METTL25: variants seen among roughly 807,000 people sequenced by gnomAD.
METTL25 encodes the protein probable methyltransferase-like protein 25.
Under a neutral mutation model 71.6 loss-of-function variants are expected in METTL25, and 64 were observed. That is an observed-to-expected ratio of 0.89 (90% confidence interval 0.73 to 1.10). The LOEUF is 1.10. Among genes scored for constraint, METTL25 ranks in the 50% least tolerant of loss-of-function variants. The pLI is 0.00. For synonymous variants in METTL25, 287 were observed against 250.3 expected (o/e 1.15, Z -1.38); for missense variants, 807 against 707.0 (o/e 1.14, Z -1.60).
At chr12:82,425,677 CA>C (rs1888954784) in intron 5 of METTL25, among the ~76,000 whole-genome samples, 1 of 151,792 alleles carries the variant, frequency 6.6e-6, no homozygotes, top group Non-Finnish European at 1.5e-5. Flanking sequence ...GCAAAAAGAC[CA>C]AAACAAAGCG....
Position 82,399,962 on chromosome 12 carries a change from A to AG in METTL25, c.1131+570dup, listed in dbSNP as rs397972084. Among the ~76,000 whole-genome samples the AG allele has an allele frequency of 4.7e-5, 7 of 150,000 alleles. No homozygotes were observed. The South Asian group carries it at 6.3e-4, about 14-fold the overall frequency. On this transcript the variant is annotated intron_variant, in intron 4 of 11. Transcript: ENST00000248306. ...ACTCATTGTCTCAAAAAAAAAAAAA[A>AG]GGTAGCTTTTGGAGTTGTATTACCC...
chr12:82,433,103 T>A (rs1444787978), intron 6 of METTL25, among the ~76,000 whole-genome samples: 1 of 151,652 alleles, frequency 6.6e-6, no homozygotes, highest in African/African-American at 2.4e-5. Context: ...CAAAACACTT[T>A]GTAACCACCT....
intron 5 of METTL25, among the ~76,000 whole-genome samples, chr12:82,411,603 A>G (rs183559516): frequency 1.4e-3 from 213 of 152,216 alleles, no homozygotes; most frequent in African/African-American, 5.0e-3. Context: ...AGAAGAAACA[A>G]AGGTATTTGA....
intron 8 of METTL25, among the ~76,000 whole-genome samples, chr12:82,441,962 G>C (rs1890380833): frequency 6.6e-6 from 1 of 151,942 alleles, no homozygotes; most frequent in East Asian, 1.9e-4. Context: ...AGATAAGGCT[G>C]AGTAGGAAAC....
At chr12:82,401,883 AT>A in intron 4 of METTL25, among the ~76,000 whole-genome samples, 1 of 152,166 alleles carries the variant, frequency 6.6e-6, no homozygotes, top group Admixed American at 6.5e-5. Context: ...ACTATTAGAA[AT>A]TTTTTAGTTC....
chr12:82,361,425 GC>G (rs1881869702), intron 1 of METTL25, among the ~76,000 whole-genome samples: 1 of 152,234 alleles, frequency 6.6e-6, no homozygotes, highest in African/African-American at 2.4e-5. Flanking sequence ...GCACTCCTCA[GC>G]CCTTGGGCGG....
chr12:82,358,838 T>TA lies in METTL25; in HGVS notation c.259+15dup. 3 of 1,595,564 alleles carry TA rather than the reference T, an allele frequency of 1.9e-6. No individual in the cohort carries two copies. Among genetic ancestry groups the TA allele is most frequent in the Non-Finnish European group, 2.6e-6 (3 of 1,169,836 alleles). On this transcript the variant is annotated intron_variant, in intron 1 of 11. Coordinates refer to ENST00000248306, the MANE Select transcript of METTL25 (RefSeq NM_032230.3). The stretch of plus-strand genomic sequence containing the variant: ...AGTGGGAAGCAGGTGGGTGGTGGGG[T>TA]AGGCGGGGCGGGAAGGGAGGCGGAG...
In METTL25 at chr12:82,475,912, A is replaced by C. The variant is rs2137318094; in HGVS notation, c.1573-732A>C. ...CAAAATCTGAAATGCTCCAATGAGC[A>C]TTTCCTTTGAATGTCATGTTGGCAC... On this transcript the variant is annotated intron_variant, in intron 9 of 11. Coordinates refer to ENST00000248306, the MANE Select transcript of METTL25 (RefSeq NM_032230.3). 2.0e-5 allele frequency among the ~76,000 whole-genome samples: 3 copies of C among 152,202 alleles called. 1 individual carries two copies. Among genetic ancestry groups the C allele is most frequent in the Admixed American group, 2.0e-4 (3 of 15,286 alleles).
chr12:82,410,664 A>C (rs960665656), intron 5 of METTL25, among the ~76,000 whole-genome samples: 1 of 152,112 alleles, frequency 6.6e-6, no homozygotes, highest in Non-Finnish European at 1.5e-5. Context: ...ATTATAAACA[A>C]AAACTTTTAA....
At chr12:82,377,174 C>CT (rs1205305220) in intron 1 of METTL25, among the ~76,000 whole-genome samples, 3 of 151,502 alleles carry the variant, frequency 2.0e-5, no homozygotes, top group East Asian at 1.9e-4. Flanking sequence ...TGTTTTTAGT[C>CT]TTTTTTTCTG....
chr12:82,470,867 G>T (rs2137301437), intron 9 of METTL25, among the ~76,000 whole-genome samples: 1 of 152,268 alleles, frequency 6.6e-6, no homozygotes, highest in South Asian at 2.1e-4. Flanking sequence ...CGAGGGCTAG[G>T]TTTGTCAGAA....
chr12:82,368,024 T>G (rs1882761470), intron 1 of METTL25, among the ~76,000 whole-genome samples: 1 of 152,064 alleles, frequency 6.6e-6, no homozygotes, highest in South Asian at 2.1e-4. Flanking sequence ...AGATATATAT[T>G]AAAACGTAGT....
chr12:82,433,026 T>A (rs1414070788), intron 6 of METTL25, among the ~76,000 whole-genome samples: 1 of 151,680 alleles, frequency 6.6e-6, no homozygotes, highest in Admixed American at 6.6e-5. Context: ...CAGAGTAGCA[T>A]GAAATGAATG....
chr12:82,406,291 A>G (rs1161603876), intron 5 of METTL25, among the ~76,000 whole-genome samples: 1 of 152,230 alleles, frequency 6.6e-6, no homozygotes, highest in African/African-American at 2.4e-5. Context: ...AAAACTATTT[A>G]GAATAGAAAA....
At chr12:82,408,720 C>T (rs568432749) in intron 5 of METTL25, among the ~76,000 whole-genome samples, 1 of 151,746 alleles carries the variant, frequency 6.6e-6, no homozygotes, top group South Asian at 2.1e-4. Flanking sequence ...TTTGTTTGTA[C>T]AGTATATGCT....
chr12:82,393,957 T>C (rs1479582362), intron 3 of METTL25, among the ~76,000 whole-genome samples: 1 of 152,026 alleles, frequency 6.6e-6, no homozygotes, highest in Non-Finnish European at 1.5e-5. Flanking sequence ...TTTATTACTT[T>C]CAATACATTT....
chr12:82,384,493 C>T (rs748954185), intron 1 of METTL25, among the ~76,000 whole-genome samples: 63 of 140,708 alleles, frequency 4.5e-4, no homozygotes, highest in Non-Finnish European at 4.2e-4. Flanking sequence ...AAATAAAGTA[C>T]AGCAGCTATA....
intron 9 of METTL25, among the ~76,000 whole-genome samples, chr12:82,461,710 C>CAAA (rs55899416): frequency 6.6e-6 from 1 of 151,176 alleles, no homozygotes; most frequent in Non-Finnish European, 1.5e-5. Flanking sequence ...GAAATAAAGG[C>CAAA]AAAAAAAAAT....
At chr12:82,358,983 G>C in intron 1 of METTL25, 159 bp downstream of exon 1, 1 of 727,608 alleles carries the variant, frequency 1.4e-6, no homozygotes, top group Non-Finnish European at 2.3e-6. Flanking sequence ...GTTGAGGGGT[G>C]GGGTGGGGAT....
Sources: gnomAD v4.1 joint callset for allele counts (sites outside exome capture counted in the v4.1 genomes callset) on GRCh38, gnomAD v4.1.1 for gene constraint, MANE v1.5 for transcripts, NCBI Gene and HGNC (gene_info 2026-07-23, HGNC 2026-07-21) for gene names.